The following ZNF385C variants were observed in gnomAD, a reference collection of about 807,000 sequenced individuals.
ZNF385C encodes the protein CTD-2132N18.2.
ZNF385C carries 28 observed loss-of-function variants against 35.4 expected under a neutral mutation model. The ratio of observed to expected loss-of-function variants is 0.79; its 90% CI spans 0.59 to 1.08. The LOEUF (loss-of-function observed/expected upper bound fraction) is 1.08. ZNF385C is among the 50% of genes least tolerant of loss of function. The probability of loss-of-function intolerance (pLI) is 0.00; values close to 1 mark genes in which losing one functional copy is unlikely to be tolerated. For missense variants in ZNF385C, 605 were observed against 595.6 expected (o/e 1.02, Z -0.16); for synonymous variants, 248 against 248.2 (o/e 1.00, Z 0.01).
At position 42,028,836 on chromosome 17, in the gene ZNF385C, G is replaced by T; in HGVS notation, c.914C>A (p.Pro305His). Reference sequence around the variant, plus strand: ...CGAGTTCACTGTCACCTTACACGTGGGGCAGTAGAGGTGCCCCTTCTCACT... The same window carrying T: ...CGAGTTCACTGTCACCTTACACGTGTGGCAGTAGAGGTGCCCCTTCTCACT... ...GRSEKGHLYC[P>H]TCKVTVNSAS... Residue 305 changes from proline (P) to histidine (H), a missense_variant, in exon 6 of 9, where the codon CCC becomes CAC. Coordinates refer to ENST00000692273, the MANE Select transcript of ZNF385C (RefSeq NM_001392013.1). The T allele has an allele frequency of 6.4e-7, 1 of 1,550,578 alleles. No homozygotes were observed.
rs1180922639 is a variant in ZNF385C at position 42,038,297 on chromosome 17, G to A, written c.251-412C>T. 1.9e-5 allele frequency: 10 copies of A among 516,694 alleles called. No homozygotes were observed. In the African/African-American group the frequency reaches 2.0e-4, roughly 10 times the overall value. 32.0% of individuals were successfully genotyped at this position (516,694 alleles called of 1,614,324 possible). On this transcript the variant is annotated intron_variant, in intron 2 of 8. Transcript: ENST00000692273. ...ACCCAGGGGTATTAGGAAAAGGCTA[G>A]CCCTCGCCCCTCTCACTCTCTAACT... is the stretch of plus-strand genomic sequence containing the variant.
intron 2 of ZNF385C, among the ~76,000 whole-genome samples, chr17:42,044,918 CTTT>C (rs71157603): frequency 2.3e-5 from 3 of 132,616 alleles, no homozygotes; most frequent in Non-Finnish European, 1.6e-5. Flanking sequence ...CCAACTCTAC[CTTT>C]TTTTTTTTTT....
chr17:42,066,383 G>T (rs1012074671), intron 1 of ZNF385C, among the ~76,000 whole-genome samples: 1 of 152,122 alleles, frequency 6.6e-6, no homozygotes, highest in Non-Finnish European at 1.5e-5. Context: ...AACACATAGT[G>T]TGTCTGTCTC....
intron 2 of ZNF385C, chr17:42,039,375 T>G (rs1555655807): frequency 7.5e-6 from 2 of 265,706 alleles, no homozygotes; most frequent in African/African-American, 4.4e-5. Flanking sequence ...AACTCCCATC[T>G]TTGGGGGGAC....
At chr17:42,029,944 G>A (rs1347892158) in intron 5 of ZNF385C, among the ~76,000 whole-genome samples, 5 of 150,444 alleles carry the variant, frequency 3.3e-5, no homozygotes, top group African/African-American at 1.2e-4. Flanking sequence ...TGAGGCAGGA[G>A]AATCGCTTGA....
chr17:42,076,687 A>C (rs782373043), intron 1 of ZNF385C, among the ~76,000 whole-genome samples: 6 of 152,222 alleles, frequency 3.9e-5, no homozygotes, highest in Non-Finnish European at 8.8e-5. Context: ...GCCCAAGGTC[A>C]CACAGCTAGA....
intron 2 of ZNF385C, among the ~76,000 whole-genome samples, chr17:42,057,916 C>A (rs2053405924): frequency 1.3e-5 from 2 of 151,784 alleles, no homozygotes; most frequent in African/African-American, 4.8e-5. Context: ...GCACTCCAGC[C>A]TGGGCAACAG....
At chr17:42,040,432 G>C in intron 2 of ZNF385C, 4 of 1,232,102 alleles carry the variant, frequency 3.2e-6, no homozygotes, top group Non-Finnish European at 4.0e-6. Context: ...GGCCGCAGCC[G>C]CCATCACCAG....
At chr17:42,047,198 A>C (rs2053181855) in intron 2 of ZNF385C, among the ~76,000 whole-genome samples, 1 of 151,762 alleles carries the variant, frequency 6.6e-6, no homozygotes, top group Admixed American at 6.6e-5. Flanking sequence ...TGCCCGGCTA[A>C]TTTTTTTGTA....
chr17:42,025,666 T>C lies in ZNF385C; in HGVS notation c.*1231A>G, dbSNP rs1555654090. On this transcript the variant is annotated 3_prime_UTR_variant, in exon 9 of 9. Coordinates refer to ENST00000692273, the MANE Select transcript of ZNF385C (RefSeq NM_001392013.1). ...AGTTTCCCTCCCCTCCCCCTTTTTC[T>C]GGTTCTCCCATTGGAAATGTCTTTA... 2 of 152,584 alleles carry C rather than the reference T, an allele frequency of 1.3e-5. No homozygotes were observed. Among genetic ancestry groups the C allele is most frequent in the Non-Finnish European group, 2.9e-5 (2 of 68,038 alleles). The allele number at this position is 152,584 out of a possible 1,614,324, so 9.5% of individuals were successfully genotyped here.
chr17:42,072,800 G>A (rs929829382), intron 1 of ZNF385C, among the ~76,000 whole-genome samples: 3 of 152,144 alleles, frequency 2.0e-5, no homozygotes, highest in Non-Finnish European at 4.4e-5. Context: ...GAAGAGAGGG[G>A]AGACTCGGAG....
intron 1 of ZNF385C, among the ~76,000 whole-genome samples, chr17:42,094,424 T>G (rs1293770184): frequency 6.6e-6 from 1 of 151,022 alleles, no homozygotes; most frequent in African/African-American, 2.4e-5. Context: ...CCCAGAGAGA[T>G]AGCCACGCAG....
chr17:42,079,006 C>T (rs1309259632), intron 1 of ZNF385C, among the ~76,000 whole-genome samples: 2 of 151,768 alleles, frequency 1.3e-5, no homozygotes, highest in African/African-American at 2.4e-5. Context: ...CTAATAATAA[C>T]TCCTCTGACT....
intron 1 of ZNF385C, among the ~76,000 whole-genome samples, chr17:42,076,594 C>T (rs1297596824): frequency 6.6e-6 from 1 of 151,884 alleles, no homozygotes; most frequent in Non-Finnish European, 1.5e-5. Context: ...TGCACTCCAG[C>T]CTGGGCGATA....
intron 5 of ZNF385C, 63 bp from the exon 6 acceptor site, chr17:42,029,136 T>G: frequency 1.3e-6 from 2 of 1,492,860 alleles, no homozygotes; most frequent in Non-Finnish European, 1.8e-6. Context: ...TCTTCAGCTC[T>G]GACCATGGAG....
chr17:42,037,436 G>A (rs2052884078), intron 3 of ZNF385C, among the ~76,000 whole-genome samples: 1 of 148,992 alleles, frequency 6.7e-6, no homozygotes, highest in African/African-American at 2.5e-5. Context: ...CCACAGGAGC[G>A]CCTACACAGA....
At position 42,064,073 on chromosome 17, in the gene ZNF385C, T is replaced by TACACACACACACACAC. The variant is rs55771386; in HGVS notation, c.-2-1031_-2-1016dup. ...GTCCCCCAACGCGCGCACACGCACA[T>TACACACACACACACAC]ACACACACACACACACACACACACA... is the stretch of plus-strand genomic sequence containing the variant. On this transcript the variant is annotated intron_variant, in intron 1 of 8. Transcript: ENST00000692273. Among the ~76,000 whole-genome samples the TACACACACACACACAC allele has an allele frequency of 3.9e-3, 511 of 129,816 alleles. 8 individuals are homozygous for TACACACACACACACAC. The highest frequency in any genetic ancestry group is 7.9e-3 in the Middle Eastern group (2 of 254). 85.2% of individuals were successfully genotyped at this position (129,816 alleles called of 152,430 possible).
At chr17:42,059,957 G>T (rs556418856) in intron 2 of ZNF385C, among the ~76,000 whole-genome samples, 7 of 152,260 alleles carry the variant, frequency 4.6e-5, no homozygotes, top group African/African-American at 1.7e-4. Flanking sequence ...CCCCACACCT[G>T]CTCCCTTCAT....
chr17:42,037,828 C>G lies in ZNF385C; in HGVS notation c.308G>C (p.Arg103Pro), dbSNP rs1180198871. The change falls in exon 3 of 9, where the codon CGG becomes CCG. Residue 103 changes from arginine to proline, a missense_variant. Transcript: ENST00000692273. ...GAAGTCCAGCGGGGGCTGCAGAGGC[C>G]GGGTGGGCAGGGGCAGGGAGGCCAG... ...PLLASLPLPT[R>P]PLQPPLDFKH... 6.6e-7 allele frequency: 1 copy of G among 1,519,300 alleles called. No individual in the cohort carries two copies. The highest frequency in any genetic ancestry group is 8.8e-7 in the Non-Finnish European group (1 of 1,131,900). The allele number at this position is 1,519,300 out of a possible 1,614,324, so 94.1% of individuals were successfully genotyped here.
Sources: allele counts gnomAD v4.1 joint callset (sites outside exome capture counted in the v4.1 genomes callset), GRCh38; gene constraint gnomAD v4.1.1; transcripts MANE v1.5; gene names NCBI Gene and HGNC (gene_info 2026-07-23, HGNC 2026-07-21).